The following DPP6 variants were observed in gnomAD, a reference collection of about 807,000 sequenced individuals.
DPP6 encodes dipeptidyl peptidase like 6, also known as A-type potassium channel modulatory protein DPP6.
Under a neutral mutation model 122.6 loss-of-function variants are expected in DPP6, and 69 were observed. The ratio of observed to expected loss-of-function variants is 0.56; its 90% confidence interval spans 0.46 to 0.69. The LOEUF (loss-of-function observed/expected upper bound fraction) is 0.69. Among genes scored for constraint, DPP6 ranks in the 30% least tolerant of loss-of-function variants. The probability of loss-of-function intolerance (pLI) is 0.00; values close to 1 mark genes in which losing one functional copy is unlikely to be tolerated. For missense variants in DPP6, 928 were observed against 1,116.9 expected (o/e 0.83, Z 2.41); for synonymous variants, 418 against 433.1 (o/e 0.97, Z 0.43).
intron 8 of DPP6, among the ~76,000 whole-genome samples, chr7:154,747,101 A>C (rs1843070106): frequency 6.6e-6 from 1 of 152,226 alleles, no homozygotes; most frequent in African/African-American, 2.4e-5. Context: ...TGGAGACCTC[A>C]TGAGCTCACT....
At position 154,063,582 on chromosome 7, in the gene DPP6, GAT is replaced by G. The variant is rs1424437301; in HGVS notation, c.243+10521_243+10522del. ...GCTATCCCCTCTTCCGCCTCTGGCT[GAT>G]AGTACCCCCATCGCAGTGAGGGAGG... is the stretch of plus-strand genomic sequence containing the variant. On this transcript the variant is annotated intron_variant, in intron 1 of 25. Coordinates refer to ENST00000377770, the MANE Select transcript of DPP6 (RefSeq NM_130797.4). 2.5e-3 allele frequency among the ~76,000 whole-genome samples: 278 copies of G among 111,580 alleles called. 2 individuals are homozygous for G. Among genetic ancestry groups the G allele is most frequent in the Non-Finnish European group, 4.0e-3 (212 of 52,832 alleles). 73.2% of individuals were successfully genotyped at this position (111,580 alleles called of 152,430 possible).
the DPP6 span, among the ~76,000 whole-genome samples, chr7:153,860,908 G>T: frequency 2.0e-5 from 3 of 152,120 alleles, no homozygotes; most frequent in Non-Finnish European, 2.9e-5. Flanking sequence ...CAGAGGAGAG[G>T]CAAGTTAATC....
At chr7:154,744,025 T>C (rs1352050489) in intron 8 of DPP6, among the ~76,000 whole-genome samples, 3 of 152,198 alleles carry the variant, frequency 2.0e-5, no homozygotes, top group African/African-American at 7.2e-5. Context: ...CTGTGTCCCA[T>C]GGCGTGCAGC....
chr7:154,053,844 A>T (rs535431224), intron 1 of DPP6, among the ~76,000 whole-genome samples: 25 of 146,218 alleles, frequency 1.7e-4, no homozygotes, highest in African/African-American at 6.1e-4. Context: ...CAAAGGTTGG[A>T]TTTGCACATC....
At chr7:154,695,176 G>A (rs968462604) in intron 7 of DPP6, among the ~76,000 whole-genome samples, 3 of 152,172 alleles carry the variant, frequency 2.0e-5, no homozygotes, top group African/African-American at 7.2e-5. Flanking sequence ...CCAGACTTGG[G>A]AATTTGGTGA....
At chr7:154,477,179 T>A (rs1270588421) in intron 3 of DPP6, among the ~76,000 whole-genome samples, 3 of 152,142 alleles carry the variant, frequency 2.0e-5, no homozygotes, top group Non-Finnish European at 4.4e-5. Flanking sequence ...ATTACGTCTT[T>A]AGGGAGCAGG....
At chr7:154,216,630 C>G (rs1290219960) in intron 1 of DPP6, among the ~76,000 whole-genome samples, 3 of 152,094 alleles carry the variant, frequency 2.0e-5, no homozygotes. Flanking sequence ...GGCTCCCTTT[C>G]AAATTACAGA....
intron 7 of DPP6, among the ~76,000 whole-genome samples, chr7:154,704,944 G>A (rs921814090): frequency 6.6e-5 from 10 of 152,082 alleles, no homozygotes; most frequent in South Asian, 4.2e-4. Context: ...CTATATTGTC[G>A]AGGCTGGGTC....
At chr7:153,891,455 C>G (rs920576257) in intron 1 of DPP6, among the ~76,000 whole-genome samples, 1 of 152,004 alleles carries the variant, frequency 6.6e-6, no homozygotes, top group South Asian at 2.1e-4. Context: ...TTTACTTGCT[C>G]GAAACAAAAA....
At chr7:154,035,782 G>A (rs28581169) in intron 1 of DPP6, among the ~76,000 whole-genome samples, 5,875 of 152,310 alleles carry the variant, frequency 0.039, 370 homozygotes, top group African/African-American at 0.14. Flanking sequence ...TATTTCCATA[G>A]ATCAAGGACA....
intron 5 of DPP6, among the ~76,000 whole-genome samples, chr7:154,633,293 A>G: frequency 6.6e-6 from 1 of 151,980 alleles, no homozygotes. Context: ...CTGAAGTGCA[A>G]GGGCATGACC....
intron 16 of DPP6, among the ~76,000 whole-genome samples, chr7:154,822,462 G>T (rs548861574): frequency 1.3e-5 from 2 of 152,158 alleles, no homozygotes; most frequent in African/African-American, 4.8e-5. Flanking sequence ...ATACCCTAAG[G>T]CCCGACCCCC....
At chr7:154,847,802 G>A (rs745722347) in intron 16 of DPP6, among the ~76,000 whole-genome samples, 15 of 152,116 alleles carry the variant, frequency 9.9e-5, no homozygotes, top group Non-Finnish European at 1.8e-4. Context: ...CCCTTCGACC[G>A]ATAACTCCCT....
intron 1 of DPP6, among the ~76,000 whole-genome samples, chr7:154,393,202 C>G (rs1483871901): frequency 6.6e-6 from 1 of 152,152 alleles, no homozygotes; most frequent in Non-Finnish European, 1.5e-5. Context: ...GAATGTAGAT[C>G]ATTTTTGGAC....
intron 5 of DPP6, among the ~76,000 whole-genome samples, chr7:154,575,442 G>GTGTGTGTATGTGTGTGTGATC (rs1554590152): frequency 9.6e-6 from 1 of 104,710 alleles, no homozygotes; most frequent in Non-Finnish European, 1.8e-5. Flanking sequence ...TATGTGTGTG[G>GTGTGTGTATGTGTGTGTGATC]TGTGTGTATG....
intron 4 of DPP6, among the ~76,000 whole-genome samples, chr7:154,565,840 C>A (rs191372776): frequency 1.9e-4 from 29 of 152,292 alleles, no homozygotes; most frequent in Admixed American, 1.5e-3. Flanking sequence ...GATGTCATTT[C>A]TAACCTTTGT....
chr7:153,756,980 A>T, the DPP6 span, among the ~76,000 whole-genome samples: 1 of 152,162 alleles, frequency 6.6e-6, no homozygotes, highest in Non-Finnish European at 1.5e-5. Flanking sequence ...GATTTTTTTT[A>T]AGTCAAAAGT....
In DPP6 at chr7:154,063,134, A is replaced by T. The variant is rs1254395621; in HGVS notation, c.243+10071A>T. On this transcript the variant is annotated intron_variant, in intron 1 of 25. Coordinates refer to ENST00000377770, the MANE Select transcript of DPP6 (RefSeq NM_130797.4). Reference sequence around the variant, plus strand: ...CATCGCAGGGGGGGAGGCACCCCCCACGAGAGTGGGGACTGAGAGCTATCC... The same window carrying T: ...CATCGCAGGGGGGGAGGCACCCCCCTCGAGAGTGGGGACTGAGAGCTATCC... Among the ~76,000 whole-genome samples the T allele has an allele frequency of 4.0e-5, 3 of 74,640 alleles. 1 individual carries two copies. The highest frequency in any genetic ancestry group is 8.1e-5 in the Non-Finnish European group (3 of 36,952). 49.0% of individuals were successfully genotyped at this position (74,640 alleles called of 152,430 possible).
intron 1 of DPP6, among the ~76,000 whole-genome samples, chr7:154,269,164 G>A (rs895789831): frequency 6.6e-6 from 1 of 151,590 alleles, no homozygotes; most frequent in Non-Finnish European, 1.5e-5. Context: ...AAAACAACAT[G>A]CTGAGATAAC....
Sources: gnomAD v4.1 joint callset for allele counts (sites outside exome capture counted in the v4.1 genomes callset) on GRCh38, gnomAD v4.1.1 for gene constraint, MANE v1.5 for transcripts, NCBI Gene and HGNC (gene_info 2026-07-23, HGNC 2026-07-21) for gene names.